NWD2: variants seen among roughly 807,000 people sequenced by gnomAD.
NWD2 encodes the protein NACHT and WD repeat domain containing 2.
A neutral mutation model predicts 132.7 loss-of-function variants in NWD2; 37 were observed. That is an observed-to-expected ratio of 0.28 (90% CI 0.21 to 0.37). NWD2 has a LOEUF of 0.37. Among genes scored for constraint, NWD2 ranks in the 10% least tolerant of loss-of-function variants. NWD2 has a pLI of 1.00. For synonymous variants in NWD2, 705 were observed against 803.0 expected, an observed-to-expected ratio of 0.88 and a Z score of 2.06; for missense variants, 1,592 against 2,122.4, an observed-to-expected ratio of 0.75 and a Z score of 4.91.
intron 3 of NWD2, among the ~76,000 whole-genome samples, chr4:37,397,717 G>A (rs1208366376): frequency 6.6e-6 from 1 of 152,078 alleles, no homozygotes; most frequent in Admixed American, 6.6e-5. Context: ...GAAATTGCTT[G>A]ACGAAGGAAA....
intron 1 of NWD2, among the ~76,000 whole-genome samples, chr4:37,300,607 T>C (rs1718594082): frequency 6.6e-6 from 1 of 152,094 alleles, no homozygotes; most frequent in Non-Finnish European, 1.5e-5. Context: ...GTACAAAATA[T>C]GACCTATTTC....
chr4:37,401,037 A>G (rs1720886561), intron 3 of NWD2, among the ~76,000 whole-genome samples: 1 of 152,242 alleles, frequency 6.6e-6, no homozygotes, highest in African/African-American at 2.4e-5. Context: ...ACAAGTGATC[A>G]TAACACTTGT....
chr4:37,431,657 G>A (rs182239443), intron 4 of NWD2, among the ~76,000 whole-genome samples: 42 of 152,264 alleles, frequency 2.8e-4, no homozygotes, highest in African/African-American at 9.4e-4. Context: ...ATTATGTGAG[G>A]TAGTGGATTT....
intron 3 of NWD2, among the ~76,000 whole-genome samples, chr4:37,360,904 C>G (rs1418998909): frequency 6.6e-6 from 1 of 152,108 alleles, no homozygotes; most frequent in Non-Finnish European, 1.5e-5. Context: ...GATCCTGGAC[C>G]CTGAATACAG....
At chr4:37,415,679 G>A (rs1051728177) in intron 3 of NWD2, among the ~76,000 whole-genome samples, 6 of 143,640 alleles carry the variant, frequency 4.2e-5, no homozygotes, top group Admixed American at 1.4e-4. Flanking sequence ...ACTCCAGCCT[G>A]GGCAACAGTG....
At chr4:37,287,772 C>T (rs772393063) in intron 1 of NWD2, among the ~76,000 whole-genome samples, 3 of 152,202 alleles carry the variant, frequency 2.0e-5, no homozygotes, top group Non-Finnish European at 4.4e-5. Flanking sequence ...GTGAAGCACA[C>T]CCCTTCCACC....
At chr4:37,382,754 G>A (rs775588160) in intron 3 of NWD2, among the ~76,000 whole-genome samples, 2 of 152,050 alleles carry the variant, frequency 1.3e-5, no homozygotes, top group Non-Finnish European at 2.9e-5. Flanking sequence ...GCAATGGCGT[G>A]ATCACGGCTC....
At chr4:37,413,982 G>C (rs1373647635) in intron 3 of NWD2, among the ~76,000 whole-genome samples, 1 of 151,974 alleles carries the variant, frequency 6.6e-6, no homozygotes, top group Non-Finnish European at 1.5e-5. Flanking sequence ...GGGGTGGGGG[G>C]CAAGGAGAGG....
chr4:37,415,702 TA>T (rs10684720), intron 3 of NWD2, among the ~76,000 whole-genome samples: 277 of 118,350 alleles, frequency 2.3e-3, no homozygotes, highest in Middle Eastern at 4.8e-3. Flanking sequence ...AGACTCCGTC[TA>T]AAAAAAAAAA....
intron 3 of NWD2, among the ~76,000 whole-genome samples, chr4:37,393,368 A>C (rs1162632876): frequency 6.6e-6 from 1 of 152,150 alleles, no homozygotes; most frequent in African/African-American, 2.4e-5. Context: ...GTTCTCAAGA[A>C]ATTTTAGTAG....
At chr4:37,388,712 AATAT>A (rs1328171959) in intron 3 of NWD2, among the ~76,000 whole-genome samples, 2 of 112,976 alleles carry the variant, frequency 1.8e-5, no homozygotes, top group African/African-American at 8.6e-5. Context: ...ATGATATATA[AATAT>A]ATATATCATA....
At chr4:37,373,453 C>T (rs535794958) in intron 3 of NWD2, among the ~76,000 whole-genome samples, 54 of 152,318 alleles carry the variant, frequency 3.5e-4, no homozygotes, top group African/African-American at 1.3e-3. Flanking sequence ...AATTCAAGGG[C>T]TGCGGATCAC....
At chr4:37,363,073 A>G (rs757640883) in intron 3 of NWD2, among the ~76,000 whole-genome samples, 4 of 152,218 alleles carry the variant, frequency 2.6e-5, no homozygotes, top group Non-Finnish European at 5.9e-5. Context: ...AACACTAATC[A>G]TCAGAGGAAT....
At chr4:37,356,240 A>G (rs1467312920) in intron 2 of NWD2, 126 bp from the exon 3 acceptor site, 2 of 496,248 alleles carry the variant, frequency 4.0e-6, no homozygotes, top group African/African-American at 3.9e-5. Flanking sequence ...GGATCTTAAA[A>G]ATCACTTCCC....
chr4:37,430,849 G>T lies in NWD2; in HGVS notation c.561+74G>T, dbSNP rs960312071. 2.1e-5 allele frequency: 28 copies of T among 1,342,828 alleles called. No homozygotes were observed. The African/African-American group carries it at 3.9e-4, about 19-fold the overall frequency. The allele number at this position is 1,342,828 out of a possible 1,614,324, so 83.2% of individuals were successfully genotyped here. On this transcript the variant is annotated intron_variant, in intron 4 of 6. Coordinates refer to ENST00000309447, the MANE Select transcript of NWD2 (RefSeq NM_001144990.2). Reference sequence around the variant, plus strand: ...GTTACCATTTATGTCATCCGGGGTGGTGCTGCACAGAAAAGGCAGAGTAGA... The same window carrying T: ...GTTACCATTTATGTCATCCGGGGTGTTGCTGCACAGAAAAGGCAGAGTAGA...
chr4:37,264,267 G>A (rs761477259), intron 1 of NWD2, among the ~76,000 whole-genome samples: 2 of 152,118 alleles, frequency 1.3e-5, no homozygotes, highest in Non-Finnish European at 1.5e-5. Flanking sequence ...TAAATAGCTG[G>A]AATAAAACTC....
In NWD2 at chr4:37,446,754, A is replaced by C. The variant is rs1712648089; in HGVS notation, c.4766A>C (p.Glu1589Ala). 1 of 1,551,644 alleles carries C rather than the reference A, an allele frequency of 6.4e-7. No individual in the cohort carries two copies. Among genetic ancestry groups the C allele is most frequent in the Non-Finnish European group, 8.7e-7 (1 of 1,147,002 alleles). ...LVYICFRNGE[E>A]EDENGAIFSL... ...TACATTTGTTTCCGAAATGGGGAGGAGGAGGATGAAAATGGTGCAATATTC... is the reference window on the plus strand; with the variant it reads ...TACATTTGTTTCCGAAATGGGGAGGCGGAGGATGAAAATGGTGCAATATTC... Residue 1589 changes from glutamate (E) to alanine (A), a missense_variant, in exon 7 of 7, where the codon GAG becomes GCG. This residue lies in a region of NWD2 where 257 missense variants were observed against 335.0 expected (regional missense o/e 0.77). Transcript: ENST00000309447. This position sits in a 1 kb window ranked among gnomAD's most constrained non-coding sequence, Gnocchi z 6.7.
At chr4:37,442,886 T>A (rs1361150238) in intron 6 of NWD2, among the ~76,000 whole-genome samples, 2 of 152,006 alleles carry the variant, frequency 1.3e-5, no homozygotes, top group African/African-American at 2.4e-5. Flanking sequence ...CATTAAACAC[T>A]TACAAAGGAC....
At chr4:37,390,363 T>C (rs966413441) in intron 3 of NWD2, among the ~76,000 whole-genome samples, 44 of 152,018 alleles carry the variant, frequency 2.9e-4, no homozygotes, top group African/African-American at 9.9e-4. Context: ...ATGATTTTAC[T>C]GAAATATTAA....
Sources: allele counts gnomAD v4.1 joint callset (sites outside exome capture counted in the v4.1 genomes callset), GRCh38; gene constraint gnomAD v4.1.1; regional missense constraint gnomAD v4.1.1; non-coding constraint Gnocchi (gnomAD v3.1); transcripts MANE v1.5; gene names NCBI Gene and HGNC (gene_info 2026-07-23, HGNC 2026-07-21).